Variants in PPM1E observed in about 807,000 individuals in gnomAD.
PPM1E encodes the protein protein phosphatase 1E.
Under a neutral mutation model 65.9 loss-of-function variants are expected in PPM1E, and 20 were observed. The ratio of observed to expected loss-of-function variants is 0.30; its 90% CI spans 0.21 to 0.44. PPM1E has a LOEUF of 0.44. PPM1E is among the 20% of genes least tolerant of loss of function. PPM1E has a pLI of 1.00. For synonymous variants in PPM1E, 352 were observed against 374.9 expected (o/e 0.94, Z 0.70); for missense variants, 713 against 953.1 (o/e 0.75, Z 3.32).
intron 1 of PPM1E, among the ~76,000 whole-genome samples, chr17:58,833,386 A>G (rs955914310): frequency 4.7e-5 from 7 of 148,372 alleles, no homozygotes; most frequent in Admixed American, 1.4e-4. Flanking sequence ...ACCTCACCGC[A>G]CCCCCACAGA....
chr17:58,872,909 T>G (rs2051087004), intron 1 of PPM1E, among the ~76,000 whole-genome samples: 2 of 152,240 alleles, frequency 1.3e-5, no homozygotes, highest in African/African-American at 4.8e-5. Context: ...CAAGGAAGAC[T>G]GCCTTAACAT....
chr17:58,921,859 G>T (rs904326398), intron 1 of PPM1E, among the ~76,000 whole-genome samples: 1 of 151,842 alleles, frequency 6.6e-6, no homozygotes, highest in South Asian at 2.1e-4. Context: ...TGGCTAACAT[G>T]GTAAAACCCC....
chr17:58,911,864 T>G lies in PPM1E; in HGVS notation c.465-43785T>G, dbSNP rs182945887. Among the ~76,000 whole-genome samples the G allele has an allele frequency of 2.0e-4, 30 of 152,224 alleles. 1 individual carries two copies. Among genetic ancestry groups the G allele is most frequent in the Admixed American group, 1.9e-3 (29 of 15,272 alleles). ...GGTACTTTTTTTAAGAGAGTGAGTGTTAGAAACAAGAGCTCAGAGTCGCAA... is the reference window on the plus strand; with the variant it reads ...GGTACTTTTTTTAAGAGAGTGAGTGGTAGAAACAAGAGCTCAGAGTCGCAA... On this transcript the variant is annotated intron_variant, in intron 1 of 6. Transcript: ENST00000308249.
intron 1 of PPM1E, among the ~76,000 whole-genome samples, chr17:58,761,906 C>A (rs1486720990): frequency 1.3e-5 from 2 of 152,170 alleles, no homozygotes; most frequent in South Asian, 2.1e-4. Context: ...AAAACATTAT[C>A]ATCTGTTTAT....
intron 1 of PPM1E, among the ~76,000 whole-genome samples, chr17:58,919,850 A>T (rs1284913902): frequency 6.6e-6 from 1 of 152,198 alleles, no homozygotes; most frequent in Non-Finnish European, 1.5e-5. Context: ...TGATTGTGGT[A>T]CATTACTCAA....
At chr17:58,918,003 A>G (rs1480109035) in intron 1 of PPM1E, among the ~76,000 whole-genome samples, 1 of 152,206 alleles carries the variant, frequency 6.6e-6, no homozygotes, top group Non-Finnish European at 1.5e-5. Flanking sequence ...GATCTTTCTC[A>G]GTATTAAAAG....
intron 1 of PPM1E, among the ~76,000 whole-genome samples, chr17:58,897,545 G>T (rs2051437748): frequency 6.6e-6 from 1 of 152,174 alleles, no homozygotes; most frequent in Non-Finnish European, 1.5e-5. Flanking sequence ...TCCCCATTCT[G>T]CAGACCATGG....
intron 5 of PPM1E, 58 bp downstream of exon 5, chr17:58,972,333 G>C (rs1242989685): frequency 5.3e-6 from 8 of 1,515,376 alleles, no homozygotes; most frequent in African/African-American, 2.8e-5. Context: ...AGATTTTCTA[G>C]TTATTGATTA....
In PPM1E at chr17:58,972,814, T is replaced by C. The variant is rs1567895690; in HGVS notation, c.1117-18T>C. On this transcript the variant is annotated intron_variant, in intron 5 of 6. Coordinates refer to ENST00000308249, the MANE Select transcript of PPM1E (RefSeq NM_014906.5). ...CTGAATCCAGTTATTTGCTTCTTTTTATTGCATTGCTGTTTAGGATGAAAA... is the reference window on the plus strand; with the variant it reads ...CTGAATCCAGTTATTTGCTTCTTTTCATTGCATTGCTGTTTAGGATGAAAA... 16 of 1,599,682 alleles carry C rather than the reference T, an allele frequency of 1.0e-5. No homozygotes were observed. The highest frequency in any genetic ancestry group is 1.2e-5 in the Non-Finnish European group (14 of 1,167,210).
At chr17:58,914,693 G>A (rs988087474) in intron 1 of PPM1E, among the ~76,000 whole-genome samples, 1 of 152,148 alleles carries the variant, frequency 6.6e-6, no homozygotes, top group East Asian at 1.9e-4. Flanking sequence ...CACCACCAGT[G>A]ATATTATGTT....
At chr17:58,826,739 C>T (rs563725693) in intron 1 of PPM1E, among the ~76,000 whole-genome samples, 1 of 152,052 alleles carries the variant, frequency 6.6e-6, no homozygotes, top group South Asian at 2.1e-4. Flanking sequence ...GATTTTTCTG[C>T]CTCACCCTCC....
chr17:58,925,147 C>T (rs1229810350), intron 1 of PPM1E, among the ~76,000 whole-genome samples: 3 of 152,094 alleles, frequency 2.0e-5, no homozygotes, highest in Non-Finnish European at 4.4e-5. Context: ...CTTGAGGAAT[C>T]GCTACACTGT....
At chr17:58,842,008 A>G (rs997887612) in intron 1 of PPM1E, among the ~76,000 whole-genome samples, 2 of 151,890 alleles carry the variant, frequency 1.3e-5, no homozygotes, top group Admixed American at 6.6e-5. Flanking sequence ...TGCCTGGCCA[A>G]TTTTTGTATT....
In PPM1E at chr17:58,967,896, C is replaced by A. The variant is rs923776443; in HGVS notation, c.784-1643C>A. Among the ~76,000 whole-genome samples, 4 of 151,990 alleles carry A rather than the reference C, an allele frequency of 2.6e-5. No homozygotes were observed. In the East Asian group the frequency reaches 7.7e-4, roughly 29 times the overall value. On this transcript the variant is annotated intron_variant, in intron 3 of 6. Transcript: ENST00000308249. ...TCGACTCACTGCAACCTCCGCTTCC[C>A]GGGTTCAAGAGATTCTTCTGCCTCA... is the stretch of plus-strand genomic sequence containing the variant.
At chr17:58,849,679 G>A (rs2050806003) in intron 1 of PPM1E, among the ~76,000 whole-genome samples, 2 of 152,136 alleles carry the variant, frequency 1.3e-5, no homozygotes, top group Non-Finnish European at 2.9e-5. Context: ...GCTGAGGAGT[G>A]CTTTACTTCC....
At chr17:58,756,508 C>A in intron 1 of PPM1E, 47 bp downstream of exon 1, 1 of 1,261,312 alleles carries the variant, frequency 7.9e-7, no homozygotes. Flanking sequence ...GTCCCCACCG[C>A]GCCGGCCTCG....
intron 1 of PPM1E, among the ~76,000 whole-genome samples, chr17:58,953,957 G>T (rs1178856255): frequency 6.6e-6 from 1 of 152,170 alleles, no homozygotes; most frequent in African/African-American, 2.4e-5. Flanking sequence ...TGTTGGCCAG[G>T]CAAGTCTTGA....
chr17:58,809,948 T>G (rs1220313206), intron 1 of PPM1E, among the ~76,000 whole-genome samples: 1 of 152,240 alleles, frequency 6.6e-6, no homozygotes, highest in Non-Finnish European at 1.5e-5. Context: ...GAAGTTATCT[T>G]AATGACACAT....
intron 1 of PPM1E, among the ~76,000 whole-genome samples, chr17:58,786,290 A>G (rs1415187677): frequency 6.6e-6 from 1 of 152,174 alleles, no homozygotes; most frequent in African/African-American, 2.4e-5. Flanking sequence ...CTGGGATTAC[A>G]GGTGTGAGCC....
Sources: allele counts gnomAD v4.1 joint callset (sites outside exome capture counted in the v4.1 genomes callset), GRCh38; gene constraint gnomAD v4.1.1; transcripts MANE v1.5; gene names NCBI Gene and HGNC (gene_info 2026-07-23, HGNC 2026-07-21).